SMAGP: variants seen among roughly 807,000 people sequenced by gnomAD.
SMAGP encodes small cell transmembrane and glycosylated protein.
A neutral mutation model predicts 10.1 loss-of-function variants in SMAGP; 7 were observed. That is an observed-to-expected ratio of 0.70 (90% CI 0.40 to 1.31). SMAGP has a LOEUF of 1.31. Ranked by LOEUF, SMAGP falls within the 50% of genes most tolerant of loss-of-function variation. The probability of loss-of-function intolerance (pLI) is 0.01; values close to 1 mark genes in which losing one functional copy is unlikely to be tolerated. For synonymous variants in SMAGP, 49 were observed against 47.2 expected (o/e 1.04, Z -0.16); for missense variants, 113 against 116.5 (o/e 0.97, Z 0.14).
intron 2 of SMAGP, among the ~76,000 whole-genome samples, chr12:51,257,727 T>C (rs969710411): frequency 6.6e-6 from 1 of 152,108 alleles, no homozygotes; most frequent in African/African-American, 2.4e-5. Flanking sequence ...GCATTTTTAG[T>C]AGAGATGGGG....
intron 2 of SMAGP, among the ~76,000 whole-genome samples, chr12:51,265,561 AC>A (rs1444190473): frequency 6.6e-6 from 1 of 152,244 alleles, no homozygotes; most frequent in East Asian, 1.9e-4. Flanking sequence ...GTGACATGCT[AC>A]AATATGGATG....
intron 2 of SMAGP, among the ~76,000 whole-genome samples, chr12:51,255,802 T>TG (rs1234652140): frequency 6.6e-6 from 1 of 152,152 alleles, no homozygotes; most frequent in Admixed American, 6.5e-5. Context: ...GACAGGGTCT[T>TG]GCTCTGTTGT....
chr12:51,261,092 ATTTTTT>A (rs34540958), intron 2 of SMAGP, among the ~76,000 whole-genome samples: 1 of 110,778 alleles, frequency 9.0e-6, no homozygotes, highest in Non-Finnish European at 1.7e-5. Flanking sequence ...CCCAGCCTTA[ATTTTTT>A]TTTTTTTTTT....
intron 2 of SMAGP, among the ~76,000 whole-genome samples, chr12:51,266,809 T>G (rs920663580): frequency 6.6e-6 from 1 of 152,162 alleles, no homozygotes; most frequent in Non-Finnish European, 1.5e-5. Context: ...ATACCTGTAC[T>G]ATGTTTATTT....
rs1259525418 is a variant in SMAGP at position 51,255,550 on chromosome 12, C to A, written c.35-8719G>T. 5.3e-5 allele frequency among the ~76,000 whole-genome samples: 8 copies of A among 152,018 alleles called. No individual in the cohort carries two copies. The East Asian group carries it at 1.4e-3, about 26-fold the overall frequency. On this transcript the variant is annotated intron_variant, in intron 2 of 3. Coordinates refer to ENST00000603798, the MANE Select transcript of SMAGP (RefSeq NM_001031628.2). Reference sequence around the variant, plus strand: ...GGCCATATGGAGGAAAACCAAGCACCCCAGGCTCAGCTGACTGCCAGACAT... The same window carrying A: ...GGCCATATGGAGGAAAACCAAGCACACCAGGCTCAGCTGACTGCCAGACAT...
intron 2 of SMAGP, among the ~76,000 whole-genome samples, chr12:51,261,911 T>TA (rs1944935647): frequency 6.8e-6 from 1 of 147,130 alleles, no homozygotes; most frequent in South Asian, 2.2e-4. Flanking sequence ...GTGGTATATG[T>TA]AGTAGGACTG....
intron 2 of SMAGP, among the ~76,000 whole-genome samples, chr12:51,259,275 C>G (rs1031184633): frequency 2.0e-5 from 3 of 152,078 alleles, no homozygotes; most frequent in Non-Finnish European, 4.4e-5. Flanking sequence ...AGGGAAGATT[C>G]GACAATTTTA....
At chr12:51,249,623 A>T (rs558366297) in intron 2 of SMAGP, among the ~76,000 whole-genome samples, 193 of 145,784 alleles carry the variant, frequency 1.3e-3, no homozygotes, top group African/African-American at 4.6e-3. Flanking sequence ...ACAGTTATAC[A>T]TTTTTTTTTT....
At chr12:51,247,453 T>G (rs916788832) in intron 2 of SMAGP, among the ~76,000 whole-genome samples, 4 of 152,122 alleles carry the variant, frequency 2.6e-5, no homozygotes, top group African/African-American at 7.2e-5. Context: ...AGGCCTCTCC[T>G]CTACCCTAAA....
intron 2 of SMAGP, among the ~76,000 whole-genome samples, chr12:51,257,081 A>G (rs1171288719): frequency 6.6e-6 from 1 of 152,192 alleles, no homozygotes; most frequent in Non-Finnish European, 1.5e-5. Flanking sequence ...TGCTTACACA[A>G]AATTTCTCTG....
chr12:51,266,091 A>C (rs1011131081), intron 2 of SMAGP, among the ~76,000 whole-genome samples: 9 of 152,244 alleles, frequency 5.9e-5, no homozygotes, highest in South Asian at 2.1e-4. Flanking sequence ...CAAAAAAAAA[A>C]AACAACAGTA....
At chr12:51,251,092 A>T (rs1341165639) in intron 2 of SMAGP, among the ~76,000 whole-genome samples, 2 of 152,146 alleles carry the variant, frequency 1.3e-5, no homozygotes, top group African/African-American at 4.8e-5. Context: ...AATGTATATC[A>T]GAAGCTTGAA....
At chr12:51,270,058 C>T (rs1484271344) in intron 1 of SMAGP, 198 bp downstream of exon 1, 1 of 151,624 alleles carries the variant, frequency 6.6e-6, no homozygotes, top group Non-Finnish European at 1.5e-5. Flanking sequence ...CCCCGCGTTA[C>T]CAGCACCCCG....
rs1415396626 is a variant in SMAGP at position 51,270,337 on chromosome 12, G to A, written c.-120C>T. The A allele has an allele frequency of 1.1e-5, 2 of 175,786 alleles. No homozygotes were observed. The highest frequency in any genetic ancestry group is 4.7e-5 in the African/African-American group (2 of 42,566). The allele number at this position is 175,786 out of a possible 1,614,324, so 10.9% of individuals were successfully genotyped here. The stretch of plus-strand genomic sequence containing the variant: ...GAACTCAACGGGGGCGGGCACCGCG[G>A]AGTCGCGGAGGCCAGCAGAGGCCGA... On this transcript the variant is annotated 5_prime_UTR_variant, in exon 1 of 4. Coordinates refer to ENST00000603798, the MANE Select transcript of SMAGP (RefSeq NM_001031628.2).
intron 2 of SMAGP, among the ~76,000 whole-genome samples, chr12:51,261,201 T>C (rs555019549): frequency 6.6e-6 from 1 of 150,784 alleles, no homozygotes; most frequent in South Asian, 2.1e-4. Context: ...GTTCAAGCGA[T>C]TCTCCTGCCT....
chr12:51,269,799 G>A (rs1945010950), intron 1 of SMAGP: 1 of 152,432 alleles, frequency 6.6e-6, no homozygotes. Context: ...CCGGGACCGG[G>A]AGGCGACGGC....
intron 2 of SMAGP, among the ~76,000 whole-genome samples, chr12:51,252,755 C>G (rs1012155835): frequency 6.6e-5 from 10 of 152,072 alleles, no homozygotes; most frequent in African/African-American, 2.4e-4. Flanking sequence ...TTCTTTGGGC[C>G]TGAGGGGTCA....
chr12:51,260,000 C>T (rs1002930039), intron 2 of SMAGP, among the ~76,000 whole-genome samples: 8 of 152,060 alleles, frequency 5.3e-5, no homozygotes, highest in Non-Finnish European at 1.2e-4. Flanking sequence ...CAGGTGTGTG[C>T]CTGAATTTTA....
intron 2 of SMAGP, among the ~76,000 whole-genome samples, chr12:51,252,116 CAG>C (rs1299795088): frequency 2.0e-5 from 3 of 147,870 alleles, no homozygotes; most frequent in Non-Finnish European, 4.5e-5. Context: ...TTTTTCCAGA[CAG>C]AGTCTCGCTC....
Sources: allele counts gnomAD v4.1 joint callset (sites outside exome capture counted in the v4.1 genomes callset), GRCh38; gene constraint gnomAD v4.1.1; transcripts MANE v1.5; gene names NCBI Gene and HGNC (gene_info 2026-07-23, HGNC 2026-07-21).